The following GRAMD1B variants were observed in gnomAD, a reference collection of about 807,000 sequenced individuals.
GRAMD1B encodes protein Aster-B.
A neutral mutation model predicts 99.7 loss-of-function variants in GRAMD1B; 37 were observed. That is an observed-to-expected ratio of 0.37 (90% CI 0.29 to 0.49). The LOEUF (loss-of-function observed/expected upper bound fraction) is 0.49, where lower values mean the gene tolerates loss of function less well. Ranked by LOEUF, GRAMD1B falls within the 20% of genes least tolerant of loss-of-function variation. The pLI, the probability that GRAMD1B is intolerant of heterozygous loss-of-function variation, is 0.98. For missense variants in GRAMD1B, 888 were observed against 1,009.2 expected (o/e 0.88, Z 1.63); for synonymous variants, 427 against 387.6 (o/e 1.10, Z -1.19).
chr11:123,480,898 G>A lies in GRAMD1B; in HGVS notation c.452+5G>A. ...TCCTCGAGCGCGGGAAGAAAGGTAA[G>A]GTCCAACTCCGAGGGCGAGATGGGG... On this transcript the variant is annotated splice_donor_5th_base_variant and intron_variant, in intron 2 of 19. Coordinates refer to ENST00000635736, the MANE Select transcript of GRAMD1B (RefSeq NM_001387025.1). 1 of 398,900 alleles carries A rather than the reference G, an allele frequency of 2.5e-6. No homozygotes were observed. Among genetic ancestry groups the A allele is most frequent in the Non-Finnish European group, 4.4e-6 (1 of 226,194 alleles). 24.7% of individuals were successfully genotyped at this position (398,900 alleles called of 1,614,324 possible).
intron 1 of GRAMD1B, among the ~76,000 whole-genome samples, chr11:123,434,717 G>T (rs1949082608): frequency 6.6e-6 from 1 of 152,164 alleles, no homozygotes; most frequent in South Asian, 2.1e-4. Flanking sequence ...GAACTTTGTG[G>T]GCAAAGGTTT....
chr11:123,574,924 T>C (rs530956690), intron 2 of GRAMD1B, among the ~76,000 whole-genome samples: 1 of 151,626 alleles, frequency 6.6e-6, no homozygotes, highest in African/African-American at 2.4e-5. Context: ...GGCAGAGGAG[T>C]AGAAGAGAGG....
At chr11:123,514,445 G>T (rs1335427104) in intron 2 of GRAMD1B, among the ~76,000 whole-genome samples, 1 of 152,138 alleles carries the variant, frequency 6.6e-6, no homozygotes, top group East Asian at 1.9e-4. Flanking sequence ...CAATACGCTG[G>T]GATTGTCATG....
Position 123,527,622 on chromosome 11 carries a change from G to A in GRAMD1B, c.452+46729G>A, listed in dbSNP as rs563335459. The stretch of plus-strand genomic sequence containing the variant: ...TGTTTATTGTCACTGGGAGTTCCAG[G>A]TCCAGACCAGCAGCTAAAGCTCTTC... On this transcript the variant is annotated intron_variant, in intron 2 of 19. Coordinates refer to ENST00000635736, the MANE Select transcript of GRAMD1B (RefSeq NM_001387025.1). 2.9e-4 allele frequency among the ~76,000 whole-genome samples: 44 copies of A among 152,208 alleles called. No individual in the cohort carries two copies. In the South Asian group the frequency reaches 8.5e-3, roughly 30 times the overall value.
chr11:123,398,342 G>C (rs548068904), intron 1 of GRAMD1B, among the ~76,000 whole-genome samples: 4 of 152,336 alleles, frequency 2.6e-5, no homozygotes, highest in African/African-American at 9.6e-5. Context: ...GAGCATGCCA[G>C]CTAAGGTCTC....
At chr11:123,600,048 A>G (rs1951761662) in intron 7 of GRAMD1B, among the ~76,000 whole-genome samples, 1 of 152,228 alleles carries the variant, frequency 6.6e-6, no homozygotes, top group Admixed American at 6.5e-5. Flanking sequence ...TGCCTAATAC[A>G]TACTAATACT....
intron 2 of GRAMD1B, among the ~76,000 whole-genome samples, chr11:123,567,289 G>A (rs1947498405): frequency 6.6e-6 from 1 of 152,178 alleles, no homozygotes; most frequent in African/African-American, 2.4e-5. Flanking sequence ...TTGGATAGCT[G>A]GTCATTAAAT....
intron 1 of GRAMD1B, among the ~76,000 whole-genome samples, chr11:123,456,650 T>C (rs977018675): frequency 6.6e-5 from 10 of 152,004 alleles, no homozygotes; most frequent in African/African-American, 2.4e-4. Context: ...CCAGGCGCAA[T>C]GACTCACGCC....
At chr11:123,540,615 C>T (rs1373588358) in intron 2 of GRAMD1B, among the ~76,000 whole-genome samples, 7 of 150,982 alleles carry the variant, frequency 4.6e-5, no homozygotes, top group Non-Finnish European at 7.4e-5. Flanking sequence ...TTTTTTTTAA[C>T]ACAAATTATC....
chr11:123,460,436 G>A (rs1490529968), intron 1 of GRAMD1B: 1 of 152,180 alleles, frequency 6.6e-6, no homozygotes, highest in Non-Finnish European at 1.5e-5. Flanking sequence ...CTTGAAGAGG[G>A]TTAATTGGAT....
intron 1 of GRAMD1B, among the ~76,000 whole-genome samples, chr11:123,371,403 C>T (rs149276020): frequency 1.1e-3 from 173 of 152,220 alleles, no homozygotes; most frequent in African/African-American, 3.9e-3. Context: ...CCTTTTCTAC[C>T]TTGGACTTTT....
At chr11:123,488,791 T>C (rs916995621) in intron 2 of GRAMD1B, among the ~76,000 whole-genome samples, 4 of 152,062 alleles carry the variant, frequency 2.6e-5, no homozygotes, top group African/African-American at 7.2e-5. Flanking sequence ...GCATCAGGGA[T>C]GCAGTGAAAG....
At chr11:123,443,523 G>A (rs1366540521) in intron 1 of GRAMD1B, among the ~76,000 whole-genome samples, 2 of 152,084 alleles carry the variant, frequency 1.3e-5, no homozygotes, top group Admixed American at 6.6e-5. Context: ...TCGAAGCTGG[G>A]GGCTAGTGTT....
chr11:123,403,324 G>A (rs1947733298), intron 1 of GRAMD1B, among the ~76,000 whole-genome samples: 1 of 151,610 alleles, frequency 6.6e-6, no homozygotes, highest in Non-Finnish European at 1.5e-5. Context: ...CTACTCAGGA[G>A]GCTGAGGCAG....
At chr11:123,618,839 C>A in intron 18 of GRAMD1B, 39 bp downstream of exon 18, 1 of 984,346 alleles carries the variant, frequency 1.0e-6, no homozygotes, top group Non-Finnish European at 1.6e-6. Context: ...ACCTTCATCC[C>A]ACCCAGTGCC....
intron 2 of GRAMD1B, among the ~76,000 whole-genome samples, chr11:123,506,488 G>T (rs1429153420): frequency 2.0e-5 from 3 of 151,902 alleles, no homozygotes; most frequent in Non-Finnish European, 4.4e-5. Context: ...AATTAGTAGA[G>T]ATAATTGCCC....
intron 1 of GRAMD1B, among the ~76,000 whole-genome samples, chr11:123,446,468 C>G (rs778846585): frequency 6.6e-6 from 1 of 152,162 alleles, no homozygotes; most frequent in Non-Finnish European, 1.5e-5. Context: ...GCCCAGCCCT[C>G]TGCAGACTTC....
intron 2 of GRAMD1B, among the ~76,000 whole-genome samples, chr11:123,481,470 C>T (rs1303303360): frequency 6.6e-6 from 1 of 152,038 alleles, no homozygotes; most frequent in Non-Finnish European, 1.5e-5. Flanking sequence ...ACAACAACAA[C>T]AACAACAAAC....
chr11:123,369,316 G>A (rs1946438203), intron 1 of GRAMD1B, among the ~76,000 whole-genome samples: 1 of 152,006 alleles, frequency 6.6e-6, no homozygotes, highest in South Asian at 2.1e-4. Flanking sequence ...AGAAAAAAAG[G>A]AAATCGCTTG....
Sources: allele counts gnomAD v4.1 joint callset (sites outside exome capture counted in the v4.1 genomes callset), GRCh38; gene constraint gnomAD v4.1.1; transcripts MANE v1.5; gene names NCBI Gene and HGNC (gene_info 2026-07-23, HGNC 2026-07-21).